OR2I1: variants seen among roughly 807,000 people sequenced by gnomAD.
OR2I1 encodes olfactory receptor family 2 subfamily I member 1 (gene/pseudogene).
the OR2I1 span, chr6:29,557,168 A>G: frequency 6.6e-6 from 1 of 152,216 alleles, no homozygotes; most frequent in Non-Finnish European, 1.5e-5. Flanking sequence ...TGCATCCCTT[A>G]CACTTAAAGA....
the OR2I1 span, chr6:29,555,932 C>T: frequency 1.2e-6 from 2 of 1,613,082 alleles, no homozygotes; most frequent in Non-Finnish European, 1.7e-6. Flanking sequence ...CTTTCTGATG[C>T]CGTAATCTGC....
the OR2I1 span, among the ~76,000 whole-genome samples, chr6:29,551,599 C>T: frequency 6.6e-6 from 1 of 152,212 alleles, no homozygotes; most frequent in South Asian, 2.1e-4. Context: ...CCTTAAAAAC[C>T]TGTTTCTTAA....
chr6:29,554,268 C>A, the OR2I1 span: 36 of 397,662 alleles, frequency 9.1e-5, no homozygotes, highest in Middle Eastern at 6.2e-4. Context: ...GTATGATAAT[C>A]TGCAAGATTT....
chr6:29,554,225 T>C, the OR2I1 span: 42 of 398,294 alleles, frequency 1.1e-4, no homozygotes, highest in African/African-American at 8.2e-4. Flanking sequence ...TACCCCTTAG[T>C]GAGTCAGTTT....
At chr6:29,555,882 AC>A in the OR2I1 span, 87 of 1,612,140 alleles carry the variant, frequency 5.4e-5, no homozygotes, top group African/African-American at 1.0e-3. Flanking sequence ...CAGGGTGGTC[AC>A]CCTCCAATAC....
At chr6:29,553,173 C>T in the OR2I1 span, 7 of 398,488 alleles carry the variant, frequency 1.8e-5, no homozygotes, top group Non-Finnish European at 3.1e-5. Context: ...AAGGGGTAGT[C>T]ACCCTTTTTT....
chr6:29,554,408 G>T, the OR2I1 span: 1 of 354,224 alleles, frequency 2.8e-6, no homozygotes, highest in Admixed American at 4.7e-5. Flanking sequence ...AACTCCACGC[G>T]CAGGGAAAAT....
chr6:29,556,020 C>T, the OR2I1 span: 16,354 of 1,613,112 alleles, frequency 0.01, 133 homozygotes, highest in Non-Finnish European at 0.012. Flanking sequence ...GTCTTAGTCT[C>T]GATCATTGCT....
At chr6:29,552,641 A>T in the OR2I1 span, among the ~76,000 whole-genome samples, 4 of 152,148 alleles carry the variant, frequency 2.6e-5, no homozygotes, top group Non-Finnish European at 4.4e-5. Flanking sequence ...TTTTTAGGAC[A>T]AATAGATAAA....
the OR2I1 span, chr6:29,555,940 T>G: frequency 6.2e-7 from 1 of 1,613,122 alleles, no homozygotes; most frequent in Non-Finnish European, 8.5e-7. Context: ...TGCCGTAATC[T>G]GCCATCATCT....
At chr6:29,556,790 C>G in the OR2I1 span, 1 of 162,008 alleles carries the variant, frequency 6.2e-6, no homozygotes, top group Admixed American at 6.0e-5. Flanking sequence ...AACTCTGTCT[C>G]TACTAAAAAT....
the OR2I1 span, chr6:29,555,991 G>A: frequency 6.2e-7 from 1 of 1,612,956 alleles, no homozygotes; most frequent in Non-Finnish European, 8.5e-7. Flanking sequence ...TCACAATCTG[G>A]GTCTCAGGGA....
chr6:29,554,329 T>C, the OR2I1 span: 1 of 390,546 alleles, frequency 2.6e-6, no homozygotes, highest in Admixed American at 4.5e-5. Flanking sequence ...AGGAAATGTT[T>C]AGTTCTTGAG....
the OR2I1 span, chr6:29,557,326 C>T: frequency 6.6e-6 from 1 of 152,174 alleles, no homozygotes; most frequent in African/African-American, 2.4e-5. Flanking sequence ...CAAGCCATAA[C>T]TACAGTTTTA....
chr6:29,556,233 C>A, the OR2I1 span: 3 of 1,613,076 alleles, frequency 1.9e-6, no homozygotes, highest in Non-Finnish European at 2.5e-6. Context: ...AGCAAAAGAA[C>A]CTGGTCCTGC....
the OR2I1 span, chr6:29,554,834 T>TGAGA: frequency 1.4e-4 from 21 of 151,728 alleles, no homozygotes; most frequent in East Asian, 9.7e-4. Context: ...TAGTGAGTCA[T>TGAGA]GAGAGAGAGA....
At chr6:29,553,100 T>C in the OR2I1 span, 1,739 of 397,610 alleles carry the variant, frequency 4.4e-3, 63 homozygotes, top group East Asian at 0.048. Context: ...AAACTGACCT[T>C]GTATATGATT....
the OR2I1 span, chr6:29,552,689 TAC>T: frequency 6.6e-6 from 1 of 152,286 alleles, no homozygotes; most frequent in Non-Finnish European, 1.5e-5. Context: ...GTTATACAGT[TAC>T]ACAGTTATAC....
the OR2I1 span, chr6:29,553,387 C>G: frequency 5.0e-6 from 2 of 399,230 alleles, no homozygotes; most frequent in East Asian, 7.1e-5. Context: ...CCTGCACACG[C>G]CCATGTACTA....
Sources: allele counts gnomAD v4.1 joint callset (sites outside exome capture counted in the v4.1 genomes callset), GRCh38; gene constraint gnomAD v4.1.1; transcripts MANE v1.5; gene names NCBI Gene and HGNC (gene_info 2026-07-23, HGNC 2026-07-21).